Variants in NT5DC1 observed in about 807,000 individuals in gnomAD.
The protein encoded by NT5DC1 is 5'-nucleotidase domain containing 1.
NT5DC1 carries 42 observed loss-of-function variants against 59.4 expected under a neutral mutation model. The observed-to-expected ratio is 0.71, with a 90% CI of 0.55 to 0.92. The LOEUF is 0.92. Among genes scored for constraint, NT5DC1 ranks in the 40% least tolerant of loss-of-function variants. NT5DC1 has a pLI of 0.00. For missense variants in NT5DC1, 501 were observed against 537.1 expected (o/e 0.93, Z 0.66); for synonymous variants, 172 against 188.1 (o/e 0.91, Z 0.70).
At chr6:116,226,178 GA>G (rs1427239922) in intron 8 of NT5DC1, among the ~76,000 whole-genome samples, 2 of 151,976 alleles carry the variant, frequency 1.3e-5, no homozygotes, top group East Asian at 1.9e-4. Flanking sequence ...AATTAAACCA[GA>G]AAAAAATTTA....
At chr6:116,190,823 C>T (rs533117268) in intron 6 of NT5DC1, among the ~76,000 whole-genome samples, 1 of 152,034 alleles carries the variant, frequency 6.6e-6, no homozygotes, top group East Asian at 1.9e-4. Flanking sequence ...TTCAGTAATC[C>T]AAGAAGGTGC....
intron 6 of NT5DC1, among the ~76,000 whole-genome samples, chr6:116,197,758 A>C (rs911670400): frequency 1.3e-5 from 2 of 152,086 alleles, no homozygotes; most frequent in African/African-American, 4.8e-5. Flanking sequence ...CAGTGAGATA[A>C]TGTATAAAGA....
chr6:116,125,291 A>G, intron 6 of NT5DC1: 1 of 1,588,380 alleles, frequency 6.3e-7, no homozygotes, highest in Non-Finnish European at 8.6e-7. Flanking sequence ...AGATTATAGA[A>G]AGCAACAAGC....
rs3812111 is a variant in NT5DC1, at chr6:116,122,572, T to A, written c.529+4627T>A. Among the ~76,000 whole-genome samples the A allele has an allele frequency of 0.47, 70,804 of 151,960 alleles. 18,498 individuals are homozygous for A. Among genetic ancestry groups the A allele is most frequent in the African/African-American group, 0.72 (29,647 of 41,444 alleles). ...GAGGTACATAAAATAGTATTAAAGT[T>A]CTTACCTAAATACAAATATATAGTG... On this transcript the variant is annotated intron_variant, in intron 6 of 11. Transcript: ENST00000319550.
intron 6 of NT5DC1, chr6:116,121,509 C>A (rs1779126291): frequency 6.2e-7 from 1 of 1,614,156 alleles, no homozygotes; most frequent in Non-Finnish European, 8.5e-7. Context: ...CCTGGAAGAC[C>A]CCTCTCACCT....
At chr6:116,208,942 C>T (rs1459172307) in intron 6 of NT5DC1, among the ~76,000 whole-genome samples, 1 of 151,942 alleles carries the variant, frequency 6.6e-6, no homozygotes, top group African/African-American at 2.4e-5. Flanking sequence ...TGGGGATCCA[C>T]TGTGATTAAA....
intron 10 of NT5DC1, 93 bp downstream of exon 10, chr6:116,238,441 G>T: frequency 1.5e-6 from 1 of 658,288 alleles, no homozygotes; most frequent in South Asian, 5.7e-5. Flanking sequence ...AAATTGTCCT[G>T]GTCAGGCTGA....
chr6:116,176,704 G>A (rs1313658580), intron 6 of NT5DC1, among the ~76,000 whole-genome samples: 1 of 152,104 alleles, frequency 6.6e-6, no homozygotes, highest in Non-Finnish European at 1.5e-5. Context: ...TGGACTTGCT[G>A]CCCTTCCTCC....
At chr6:116,227,674 T>C (rs1781936098) in intron 8 of NT5DC1, among the ~76,000 whole-genome samples, 1 of 152,252 alleles carries the variant, frequency 6.6e-6, no homozygotes, top group Non-Finnish European at 1.5e-5. Flanking sequence ...TATGAGGTGA[T>C]ATCTCATTAT....
chr6:116,121,701 C>G (rs1304966318), intron 6 of NT5DC1: 1 of 1,614,038 alleles, frequency 6.2e-7, no homozygotes, highest in Admixed American at 1.7e-5. Context: ...CCTGGTGGGC[C>G]CCGGGGTCCT....
At chr6:116,156,860 C>T (rs1780207351) in intron 6 of NT5DC1, among the ~76,000 whole-genome samples, 1 of 152,192 alleles carries the variant, frequency 6.6e-6, no homozygotes, top group Non-Finnish European at 1.5e-5. Flanking sequence ...GGCCCCATTA[C>T]ATCACAACTC....
At chr6:116,208,387 T>C (rs985263873) in intron 6 of NT5DC1, among the ~76,000 whole-genome samples, 2 of 152,008 alleles carry the variant, frequency 1.3e-5, no homozygotes, top group African/African-American at 2.4e-5. Context: ...CACAAATACA[T>C]TTTAAAACCG....
At chr6:116,173,427 A>G (rs572710126) in intron 6 of NT5DC1, among the ~76,000 whole-genome samples, 4 of 152,292 alleles carry the variant, frequency 2.6e-5, no homozygotes, top group African/African-American at 7.2e-5. Context: ...TGATTTTTGG[A>G]CAGCAGAACA....
At chr6:116,180,389 A>G (rs1449990718) in intron 6 of NT5DC1, among the ~76,000 whole-genome samples, 1 of 152,078 alleles carries the variant, frequency 6.6e-6, no homozygotes, top group Non-Finnish European at 1.5e-5. Context: ...TTAAAAAATG[A>G]AAATGGAATG....
intron 6 of NT5DC1, among the ~76,000 whole-genome samples, chr6:116,166,032 A>C (rs1370652742): frequency 6.6e-6 from 1 of 152,154 alleles, no homozygotes; most frequent in South Asian, 2.1e-4. Flanking sequence ...CACTGACAGC[A>C]TTGCCTGGGG....
chr6:116,181,747 A>G (rs889459296), intron 6 of NT5DC1, among the ~76,000 whole-genome samples: 13 of 152,092 alleles, frequency 8.5e-5, no homozygotes, highest in African/African-American at 3.1e-4. Context: ...GATTGAGAGA[A>G]ATAACTGAAG....
intron 6 of NT5DC1, among the ~76,000 whole-genome samples, chr6:116,197,822 T>C (rs1374121159): frequency 6.6e-6 from 1 of 152,100 alleles, no homozygotes; most frequent in Non-Finnish European, 1.5e-5. Context: ...TTCTTCTTTA[T>C]GTTTGCTACC....
chr6:116,128,493 T>A (rs928616237), intron 6 of NT5DC1, among the ~76,000 whole-genome samples: 7 of 152,208 alleles, frequency 4.6e-5, no homozygotes, highest in African/African-American at 1.7e-4. Flanking sequence ...GTAATTTTTT[T>A]AAATATCAAA....
chr6:116,162,206 A>G (rs2114429380), intron 6 of NT5DC1, among the ~76,000 whole-genome samples: 1 of 152,254 alleles, frequency 6.6e-6, no homozygotes, highest in South Asian at 2.1e-4. Flanking sequence ...TAAATGTAAG[A>G]TTATGTCCTC....
Sources: gnomAD v4.1 joint callset for allele counts (sites outside exome capture counted in the v4.1 genomes callset) on GRCh38, gnomAD v4.1.1 for gene constraint, MANE v1.5 for transcripts, NCBI Gene and HGNC (gene_info 2026-07-23, HGNC 2026-07-21) for gene names.